The following FAM171A1 variants were observed in gnomAD, a reference collection of about 807,000 sequenced individuals.
The protein encoded by FAM171A1 is family with sequence similarity 171 member A1, also known as protein FAM171A1.
Under a neutral mutation model 74.9 loss-of-function variants are expected in FAM171A1, and 23 were observed. The observed-to-expected ratio is 0.31, with a 90% CI of 0.22 to 0.44. The LOEUF is 0.44. FAM171A1 is among the 20% of genes least tolerant of loss of function. The pLI is 1.00. For synonymous variants in FAM171A1, 527 were observed against 505.7 expected, an observed-to-expected ratio of 1.04 and a Z score of -0.57; for missense variants, 1,162 against 1,159.2, an observed-to-expected ratio of 1.00 and a Z score of -0.03.
chr10:15,354,440 G>C (rs1056073736), intron 1 of FAM171A1, among the ~76,000 whole-genome samples: 2 of 151,506 alleles, frequency 1.3e-5, no homozygotes, highest in East Asian at 3.9e-4. Context: ...AGGTTGCAGC[G>C]CACCGAGATC....
At position 15,260,618 on chromosome 10, in the gene FAM171A1, G is replaced by A. The variant is rs565423100; in HGVS notation, c.419-5739C>T. ...TGTGAAATGCATGGCACTATGTTCTGTATACAGTTGGTGCTCAATGGTACT... is the reference window on the plus strand; with the variant it reads ...TGTGAAATGCATGGCACTATGTTCTATATACAGTTGGTGCTCAATGGTACT... On this transcript the variant is annotated intron_variant, in intron 3 of 7. Transcript: ENST00000378116. Among the ~76,000 whole-genome samples, 3 of 152,264 alleles carry A rather than the reference G, an allele frequency of 2.0e-5. No homozygotes were observed. The South Asian group carries it at 6.2e-4, about 32-fold the overall frequency.
intron 5 of FAM171A1, among the ~76,000 whole-genome samples, chr10:15,224,139 G>A (rs1038618972): frequency 1.1e-4 from 16 of 152,128 alleles, no homozygotes; most frequent in African/African-American, 3.6e-4. Context: ...GAAGGATTGG[G>A]ATGAGTTTAG....
chr10:15,247,553 C>A (rs1834450921), intron 5 of FAM171A1, among the ~76,000 whole-genome samples: 1 of 152,200 alleles, frequency 6.6e-6, no homozygotes, highest in South Asian at 2.1e-4. Flanking sequence ...ATAGTCTACT[C>A]TCAGTGCTGG....
intron 1 of FAM171A1, among the ~76,000 whole-genome samples, chr10:15,321,691 A>T (rs1835488541): frequency 6.6e-6 from 1 of 152,262 alleles, no homozygotes; most frequent in Admixed American, 6.5e-5. Flanking sequence ...CCCTTTAATG[A>T]AAACAGAAAA....
intron 1 of FAM171A1, among the ~76,000 whole-genome samples, chr10:15,312,685 T>TGTTTG (rs1835377020): frequency 1.4e-4 from 9 of 64,076 alleles, no homozygotes; most frequent in African/African-American, 5.3e-4. Context: ...TTTTTTTTTT[T>TGTTTG]TTTTTTTTTT....
chr10:15,330,316 G>A (rs955940295), intron 1 of FAM171A1, among the ~76,000 whole-genome samples: 1 of 152,264 alleles, frequency 6.6e-6, no homozygotes, highest in Admixed American at 6.5e-5. Context: ...CCCAGCCTGG[G>A]CAACAGACCA....
At chr10:15,229,995 A>C (rs961516385) in intron 5 of FAM171A1, among the ~76,000 whole-genome samples, 9 of 150,938 alleles carry the variant, frequency 6.0e-5, no homozygotes, top group Non-Finnish European at 1.0e-4. Flanking sequence ...ATTTCTCTAG[A>C]AAACAGATGA....
intron 1 of FAM171A1, among the ~76,000 whole-genome samples, chr10:15,364,752 T>C (rs1025643805): frequency 6.6e-6 from 1 of 152,194 alleles, no homozygotes; most frequent in Non-Finnish European, 1.5e-5. Flanking sequence ...CTTTTCTGGC[T>C]TCTAGAAGCC....
At chr10:15,293,516 A>G (rs545654204) in intron 1 of FAM171A1, among the ~76,000 whole-genome samples, 1 of 147,864 alleles carries the variant, frequency 6.8e-6, no homozygotes, top group South Asian at 2.2e-4. Context: ...TGTGCCAGAA[A>G]GCAAAAAGAA....
At chr10:15,304,418 T>C (rs1391928196) in intron 1 of FAM171A1, among the ~76,000 whole-genome samples, 1 of 152,102 alleles carries the variant, frequency 6.6e-6, no homozygotes, top group Non-Finnish European at 1.5e-5. Flanking sequence ...GGGGCTCTTA[T>C]ATTCCAGGCC....
At chr10:15,229,527 C>T (rs560930987) in intron 5 of FAM171A1, among the ~76,000 whole-genome samples, 1 of 130,040 alleles carries the variant, frequency 7.7e-6, no homozygotes, top group Non-Finnish European at 1.7e-5. Flanking sequence ...TGTCACCCCC[C>T]TCACCATCAT....
chr10:15,324,129 G>A (rs1835520777), intron 1 of FAM171A1, among the ~76,000 whole-genome samples: 1 of 152,138 alleles, frequency 6.6e-6, no homozygotes, highest in Non-Finnish European at 1.5e-5. Flanking sequence ...CTCCACCCCA[G>A]CACGTGTAAA....
chr10:15,295,922 T>C (rs181966953), intron 1 of FAM171A1, among the ~76,000 whole-genome samples: 52 of 152,360 alleles, frequency 3.4e-4, no homozygotes, highest in African/African-American at 1.2e-3. Flanking sequence ...ACCAGAAAAC[T>C]GCTTGATCAC....
At chr10:15,342,237 A>C (rs1835772661) in intron 1 of FAM171A1, among the ~76,000 whole-genome samples, 1 of 152,214 alleles carries the variant, frequency 6.6e-6, no homozygotes, top group Non-Finnish European at 1.5e-5. Context: ...AGAGGGTCTC[A>C]TTAGCAGCCT....
intron 3 of FAM171A1, among the ~76,000 whole-genome samples, chr10:15,268,692 A>G (rs1834780742): frequency 6.6e-6 from 1 of 152,108 alleles, no homozygotes; most frequent in African/African-American, 2.4e-5. Context: ...GACCAGAAAG[A>G]AGAAATGTGG....
chr10:15,357,593 G>T (rs1345979553), intron 1 of FAM171A1, among the ~76,000 whole-genome samples: 1 of 152,042 alleles, frequency 6.6e-6, no homozygotes. Context: ...TGAATTTCCT[G>T]GTATGTAAAT....
chr10:15,232,091 A>C (rs1834214560), intron 5 of FAM171A1, among the ~76,000 whole-genome samples: 2 of 152,120 alleles, frequency 1.3e-5, no homozygotes, highest in Admixed American at 1.3e-4. Context: ...AGATCATGTC[A>C]AAACAACAAC....
intron 1 of FAM171A1, among the ~76,000 whole-genome samples, chr10:15,310,437 AC>A (rs1490939529): frequency 6.6e-6 from 1 of 152,166 alleles, no homozygotes; most frequent in African/African-American, 2.4e-5. Flanking sequence ...TGGTCTTGTG[AC>A]CCACTGCCTT....
intron 1 of FAM171A1, among the ~76,000 whole-genome samples, chr10:15,291,372 T>C (rs1371069233): frequency 2.0e-5 from 3 of 152,174 alleles, no homozygotes; most frequent in Non-Finnish European, 2.9e-5. Flanking sequence ...TATACACTTG[T>C]TTAAATTAAT....
Sources: gnomAD v4.1 joint callset for allele counts (sites outside exome capture counted in the v4.1 genomes callset) on GRCh38, gnomAD v4.1.1 for gene constraint, MANE v1.5 for transcripts, NCBI Gene and HGNC (gene_info 2026-07-23, HGNC 2026-07-21) for gene names.